CACNG2: variants seen among roughly 807,000 people sequenced by gnomAD.
CACNG2 encodes calcium voltage-gated channel auxiliary subunit gamma 2, also known as voltage-dependent calcium channel gamma-2 subunit.
CACNG2 carries 3 observed loss-of-function variants against 25.9 expected under a neutral mutation model. The ratio of observed to expected loss-of-function variants is 0.12; its 90% CI spans 0.05 to 0.30. The LOEUF is 0.30. CACNG2 is among the 10% of genes least tolerant of loss of function. The pLI, the probability that CACNG2 is intolerant of heterozygous loss-of-function variation, is 1.00. For missense variants in CACNG2, 341 were observed against 432.5 expected (o/e 0.79, Z 1.88); for synonymous variants, 167 against 173.3 (o/e 0.96, Z 0.29).
chr22:36,650,514 T>A (rs1209058472), intron 1 of CACNG2, among the ~76,000 whole-genome samples: 1 of 151,974 alleles, frequency 6.6e-6, no homozygotes, highest in African/African-American at 2.4e-5. Context: ...GCTGGGACTA[T>A]AAGCATGTGC....
chr22:36,621,724 C>T (rs534744623), intron 1 of CACNG2, among the ~76,000 whole-genome samples: 1 of 152,288 alleles, frequency 6.6e-6, no homozygotes, highest in South Asian at 2.1e-4. Flanking sequence ...CCCTGTGCTC[C>T]CCTGTGTCCT....
Position 36,587,279 on chromosome 22 carries a change from A to G in CACNG2, c.295+186T>C, listed in dbSNP as rs149550227. On this transcript the variant is annotated intron_variant, in intron 2 of 3. Transcript: ENST00000300105. ...TTTGCCAGACAAAGACGGGCAGGGAAGGGCATTGCAGGCAGAGGGAACAGC... is the reference window on the plus strand; with the variant it reads ...TTTGCCAGACAAAGACGGGCAGGGAGGGGCATTGCAGGCAGAGGGAACAGC... 7.3e-3 allele frequency among the ~76,000 whole-genome samples: 1,113 copies of G among 152,250 alleles called. 11 individuals carry two copies. Among genetic ancestry groups the G allele is most frequent in the African/African-American group, 0.025 (1,055 of 41,544 alleles).
In CACNG2 at chr22:36,626,688, A is replaced by G. The variant is rs6000356; in HGVS notation, c.212-39140T>C. Among the ~76,000 whole-genome samples, 98 of 152,266 alleles carry G rather than the reference A, an allele frequency of 6.4e-4. 1 individual carries two copies. The highest frequency in any genetic ancestry group is 2.2e-3 in the African/African-American group (91 of 41,540). ...TCATATTTTGGTTTCTGTCTCTTCA[A>G]TGGTTTGCTTTTGGGAGATTTTCCA... On this transcript the variant is annotated intron_variant, in intron 1 of 3. Coordinates refer to ENST00000300105, the MANE Select transcript of CACNG2 (RefSeq NM_006078.5).
At chr22:36,637,287 G>A (rs552997061) in intron 1 of CACNG2, among the ~76,000 whole-genome samples, 2 of 152,188 alleles carry the variant, frequency 1.3e-5, no homozygotes, top group East Asian at 1.9e-4. Context: ...GAGAGGCTTT[G>A]TGCCTGAAGG....
At chr22:36,661,787 G>A (rs1405063764) in intron 1 of CACNG2, among the ~76,000 whole-genome samples, 1 of 152,070 alleles carries the variant, frequency 6.6e-6, no homozygotes, top group Non-Finnish European at 1.5e-5. Flanking sequence ...GAAGCAGGCT[G>A]CCTGGATTTG....
intron 2 of CACNG2, among the ~76,000 whole-genome samples, chr22:36,570,762 C>CA (rs11445356): frequency 0.35 from 22,377 of 63,690 alleles, 4,491 homozygotes; most frequent in African/African-American, 0.6. Context: ...GACTCCATCT[C>CA]AAAAAAAAAA....
At chr22:36,676,524 G>C (rs1429858670) in intron 1 of CACNG2, among the ~76,000 whole-genome samples, 1 of 152,208 alleles carries the variant, frequency 6.6e-6, no homozygotes, top group African/African-American at 2.4e-5. Flanking sequence ...AAGGTCACCA[G>C]CTGGCTCCTG....
intron 1 of CACNG2, among the ~76,000 whole-genome samples, chr22:36,644,771 C>G (rs1433006114): frequency 6.6e-6 from 1 of 151,978 alleles, no homozygotes; most frequent in African/African-American, 2.4e-5. Flanking sequence ...TAAAACAGCG[C>G]CTGGTGAATA....
intron 1 of CACNG2, among the ~76,000 whole-genome samples, chr22:36,691,805 A>G (rs777826276): frequency 3.3e-5 from 5 of 152,220 alleles, no homozygotes; most frequent in African/African-American, 7.2e-5. Flanking sequence ...GAAACACTCA[A>G]CGAATGACTA....
At position 36,587,469 on chromosome 22, in the gene CACNG2, G is replaced by C; in HGVS notation, c.291C>G (p.Phe97Leu). 1 of 1,609,380 alleles carries C rather than the reference G, an allele frequency of 6.2e-7. No individual in the cohort carries two copies. Among genetic ancestry groups the C allele is most frequent in the Non-Finnish European group, 8.5e-7 (1 of 1,175,602 alleles). Residue 97 changes from phenylalanine (F) to leucine (L), a missense_variant, in exon 2 of 4, where the codon TTC becomes TTG. Phe to Leu is a conservative substitution (Grantham distance 22). Coordinates refer to ENST00000300105, the MANE Select transcript of CACNG2 (RefSeq NM_006078.5). ...ADYEADTAEY[F>L]LRAVRASSIF... ...AAAACAATCGTGTGCACTCACGGAG[G>C]AAATATTCTGCTGTGTCAGCTTCGT...
At chr22:36,593,344 G>A (rs1322380543) in intron 1 of CACNG2, among the ~76,000 whole-genome samples, 2 of 152,216 alleles carry the variant, frequency 1.3e-5, no homozygotes, top group Non-Finnish European at 2.9e-5. Flanking sequence ...CAGTGAGCCA[G>A]CGCTCAGCTC....
intron 2 of CACNG2, chr22:36,584,631 G>C (rs1231796965): frequency 6.6e-6 from 1 of 152,194 alleles, no homozygotes; most frequent in African/African-American, 2.4e-5. Context: ...AATATCTCTC[G>C]AGTGAATGAA....
At chr22:36,580,617 C>T (rs1935399208) in intron 2 of CACNG2, among the ~76,000 whole-genome samples, 3 of 152,272 alleles carry the variant, frequency 2.0e-5, no homozygotes, top group South Asian at 2.1e-4. Flanking sequence ...GGGCCCCTCA[C>T]CCACACCTCC....
chr22:36,566,249 T>G (rs1935122196), intron 3 of CACNG2, 104 bp downstream of exon 3: 1 of 1,196,432 alleles, frequency 8.4e-7, no homozygotes. Context: ...TCTTGGAGAT[T>G]TCCTCTCCTC....
At chr22:36,568,448 A>T (rs1935165147) in intron 2 of CACNG2, among the ~76,000 whole-genome samples, 1 of 151,972 alleles carries the variant, frequency 6.6e-6, no homozygotes, top group Non-Finnish European at 1.5e-5. Flanking sequence ...TCTGTTGCCC[A>T]GGCTGGAGTG....
intron 1 of CACNG2, among the ~76,000 whole-genome samples, chr22:36,647,733 T>A (rs746674621): frequency 3.9e-5 from 6 of 152,276 alleles, no homozygotes; most frequent in Non-Finnish European, 8.8e-5. Context: ...CTGGCTGGAA[T>A]GCTCTTTCCT....
intron 1 of CACNG2, among the ~76,000 whole-genome samples, chr22:36,663,632 G>T (rs1168176366): frequency 1.3e-5 from 2 of 152,158 alleles, no homozygotes; most frequent in Non-Finnish European, 2.9e-5. Flanking sequence ...TCGCGAGGGG[G>T]CCTCTCCCAC....
intron 2 of CACNG2, among the ~76,000 whole-genome samples, chr22:36,581,602 A>G (rs1935420011): frequency 6.6e-6 from 1 of 152,016 alleles, no homozygotes; most frequent in Non-Finnish European, 1.5e-5. Flanking sequence ...GGTGGGAGTT[A>G]CCCCAGACAC....
At chr22:36,642,470 A>C (rs1264736733) in intron 1 of CACNG2, among the ~76,000 whole-genome samples, 2 of 152,206 alleles carry the variant, frequency 1.3e-5, no homozygotes, top group Non-Finnish European at 2.9e-5. Context: ...TCCTCATTAG[A>C]TACATGGTAC....
Sources: allele counts gnomAD v4.1 joint callset (sites outside exome capture counted in the v4.1 genomes callset), GRCh38; gene constraint gnomAD v4.1.1; transcripts MANE v1.5; gene names NCBI Gene and HGNC (gene_info 2026-07-23, HGNC 2026-07-21).